The following MOSPD1 variants were observed in gnomAD, a reference collection of about 807,000 sequenced individuals.
MOSPD1 encodes the protein motile sperm domain containing 1.
MOSPD1 carries 5 observed loss-of-function variants against 16.7 expected under a neutral mutation model. The observed-to-expected ratio is 0.30, with a 90% CI of 0.16 to 0.63. The LOEUF is 0.63. Among genes scored for constraint, MOSPD1 ranks in the 30% least tolerant of loss-of-function variants. The pLI, the probability that MOSPD1 is intolerant of heterozygous loss-of-function variation, is 0.82. For synonymous variants in MOSPD1, 67 were observed against 59.2 expected (o/e 1.13, Z -0.61); for missense variants, 104 against 153.6 (o/e 0.68, Z 1.71).
At chrX:134,895,003 A>ACTC (rs1287764567) in intron 4 of MOSPD1, among the ~76,000 whole-genome samples, 1 of 111,411 alleles carries the variant, frequency 9.0e-6, no homozygotes, top group Non-Finnish European at 1.9e-5. Flanking sequence ...TCATCTGCCT[A>ACTC]CTCCAATTTT....
intron 1 of MOSPD1, among the ~76,000 whole-genome samples, chrX:134,902,435 A>C (rs2082916725): frequency 9.1e-6 from 1 of 110,345 alleles, no homozygotes; most frequent in East Asian, 2.8e-4. Context: ...AAAACAAAAA[A>C]CCAAAGTTGA....
chrX:134,914,002 A>G (rs1185079197), intron 1 of MOSPD1, among the ~76,000 whole-genome samples: 2 of 112,148 alleles, frequency 1.8e-5, no homozygotes, highest in African/African-American at 6.5e-5. Context: ...TTCTAGGCAA[A>G]GAGATTTTCC....
In MOSPD1 at chrX:134,896,921, G is replaced by A; in HGVS notation, c.344C>T (p.Ala115Val). ...TTCTTTTGCTGATGGGAGAAGAGTA[G>A]CAACAACCTCTTTTCTTCCCAAAGC... ...RKALGRKEVVATLLPSAKEQQ... is the reference protein window; with the variant it reads ...RKALGRKEVVVTLLPSAKEQQ... Residue 115 changes from alanine to valine, a missense_variant, in exon 4 of 6, where the codon GCT (alanine) becomes GTT (valine). Physicochemically the swap from Ala to Val is moderately conservative, Grantham distance 64 (BLOSUM62 0). Transcript: ENST00000370783. 1 of 1,208,960 alleles carries A rather than the reference G, an allele frequency of 8.3e-7. No homozygotes were observed. The highest frequency in any genetic ancestry group is 1.1e-6 in the Non-Finnish European group (1 of 893,061).
At chrX:134,905,373 A>AG (rs2082936499) in intron 1 of MOSPD1, among the ~76,000 whole-genome samples, 1 of 107,581 alleles carries the variant, frequency 9.3e-6, no homozygotes, top group Non-Finnish European at 1.9e-5. Context: ...TCAAAAAGAA[A>AG]AAAAAAAAAA....
At chrX:134,899,018 T>C (rs1172750846) in intron 3 of MOSPD1, 72 bp downstream of exon 3, 1 of 862,038 alleles carries the variant, frequency 1.2e-6, no homozygotes, top group Admixed American at 3.0e-5. Context: ...AGAAAATATC[T>C]TTTTTTTTCA....
In MOSPD1 at chrX:134,889,245, T is replaced by C. The variant is rs769283025; in HGVS notation, c.611-53A>G. On this transcript the variant is annotated intron_variant, in intron 5 of 5. Transcript: ENST00000370783. ...AAAGGTATGCACCTAACAGAATCTT[T>C]CATTCAATAAGCAATTGTTTGGACC... 25 of 985,895 alleles carry C rather than the reference T, an allele frequency of 2.5e-5. No individual in the cohort carries two copies. In the African/African-American group the frequency reaches 3.5e-4, roughly 14 times the overall value. 81.2% of individuals were successfully genotyped at this position (985,895 alleles called of 1,213,427 possible).
intron 4 of MOSPD1, among the ~76,000 whole-genome samples, chrX:134,893,055 C>A (rs985276532): frequency 9.0e-6 from 1 of 111,501 alleles, no homozygotes; most frequent in Non-Finnish European, 1.9e-5. Flanking sequence ...AAAGGAATAG[C>A]CAACAGCAAC....
At chrX:134,912,471 TC>T (rs775961504) in intron 1 of MOSPD1, among the ~76,000 whole-genome samples, 2 of 109,631 alleles carry the variant, frequency 1.8e-5, no homozygotes, top group Non-Finnish European at 3.8e-5. Context: ...GAGCCACCAC[TC>T]CCCACCTTTT....
At chrX:134,904,343 T>C (rs1025195424) in intron 1 of MOSPD1, among the ~76,000 whole-genome samples, 12 of 111,898 alleles carry the variant, frequency 1.1e-4, no homozygotes, top group Admixed American at 4.8e-4. Context: ...GGGAGGTGAA[T>C]TGGCATAACA....
intron 4 of MOSPD1, among the ~76,000 whole-genome samples, chrX:134,893,235 C>T (rs2082870525): frequency 9.0e-6 from 1 of 111,680 alleles, no homozygotes; most frequent in African/African-American, 3.3e-5. Flanking sequence ...TGGAATGAAA[C>T]AATAGCAGAA....
chrX:134,901,403 C>T (rs2082910652), intron 1 of MOSPD1, among the ~76,000 whole-genome samples: 1 of 109,803 alleles, frequency 9.1e-6, no homozygotes, highest in Non-Finnish European at 1.9e-5. Flanking sequence ...AATCCCAGCA[C>T]TTTGCGAGGC....
chrX:134,905,707 T>C (rs1357050129), intron 1 of MOSPD1, among the ~76,000 whole-genome samples: 1 of 112,312 alleles, frequency 8.9e-6, no homozygotes. Context: ...AAAAACATAT[T>C]GAAAACCTTA....
At chrX:134,913,796 G>A (rs2082984823) in intron 1 of MOSPD1, among the ~76,000 whole-genome samples, 1 of 111,635 alleles carries the variant, frequency 9.0e-6, no homozygotes, top group Non-Finnish European at 1.9e-5. Context: ...TAGTATTTAG[G>A]TATACCTGTT....
At chrX:134,892,792 T>G (rs1415539017) in intron 4 of MOSPD1, among the ~76,000 whole-genome samples, 2 of 110,624 alleles carry the variant, frequency 1.8e-5, no homozygotes, top group African/African-American at 6.6e-5. Flanking sequence ...CTCAGGAGGC[T>G]GAGGGAGAAG....
At chrX:134,915,148 G>C (rs1434363354) in intron 1 of MOSPD1, 34 bp downstream of exon 1, 2 of 113,018 alleles carry the variant, frequency 1.8e-5, no homozygotes, top group Non-Finnish European at 3.7e-5. Flanking sequence ...CGAAGTCAGA[G>C]GAAGTGGGTG....
Position 134,896,997 on chromosome X carries a change from C to T in MOSPD1, c.268G>A (p.Gly90Ser). 2 of 1,208,226 alleles carry T rather than the reference C, an allele frequency of 1.7e-6. No individual in the cohort carries two copies. The highest frequency in any genetic ancestry group is 2.2e-6 in the Non-Finnish European group (2 of 893,355). The change falls in exon 4 of 6, where the codon GGT becomes AGT. Residue 90 changes from glycine to serine, a missense_variant. This residue lies in a region of MOSPD1 where 68 missense variants were observed against 73.1 expected (regional missense o/e 0.93). Coordinates refer to ENST00000370783, the MANE Select transcript of MOSPD1 (RefSeq NM_019556.3). ...RHRDVRSCHY[G>S]VIDKFRLQVS... is the part of the protein sequence containing the mutation. ...TGGAGACGGAATTTGTCTATTACAC[C>T]ATAGTGACAGGATCGAACATCTCGA...
At chrX:134,914,496 A>T (rs1280262437) in intron 1 of MOSPD1, among the ~76,000 whole-genome samples, 1 of 111,228 alleles carries the variant, frequency 9.0e-6, no homozygotes, top group Non-Finnish European at 1.9e-5. Flanking sequence ...GCCTGTTTAC[A>T]GCAGAGCAGC....
intron 1 of MOSPD1, among the ~76,000 whole-genome samples, chrX:134,905,229 C>A (rs1391955171): frequency 9.2e-6 from 1 of 108,900 alleles, no homozygotes; most frequent in Non-Finnish European, 1.9e-5. Flanking sequence ...CCACGCCAGG[C>A]GTGGTGGCGG....
chrX:134,906,961 G>C (rs2082946458), intron 1 of MOSPD1, among the ~76,000 whole-genome samples: 1 of 111,668 alleles, frequency 9.0e-6, no homozygotes, highest in African/African-American at 3.3e-5. Flanking sequence ...TGGCACGGTG[G>C]CTCACGCCTG....
Sources: gnomAD v4.1 joint callset for allele counts (sites outside exome capture counted in the v4.1 genomes callset) on GRCh38, gnomAD v4.1.1 for gene constraint, gnomAD v4.1.1 regional missense constraint, MANE v1.5 for transcripts, NCBI Gene and HGNC (gene_info 2026-07-23, HGNC 2026-07-21) for gene names.